NDE1: variants seen among roughly 807,000 people sequenced by gnomAD.
NDE1 encodes the protein nudE neurodevelopment protein 1, also known as nuclear distribution protein nudE homolog 1.
A neutral mutation model predicts 43.4 loss-of-function variants in NDE1; 28 were observed. That is an observed-to-expected ratio of 0.65 (90% CI 0.48 to 0.89). The LOEUF is 0.89. NDE1 is among the 40% of genes least tolerant of loss of function. NDE1 has a pLI of 0.00. For synonymous variants in NDE1, 184 were observed against 172.0 expected (o/e 1.07, Z -0.55); for missense variants, 441 against 434.1 (o/e 1.02, Z -0.14).
At chr16:15,706,703 C>CAA (rs1309892852) in intron 8 of NDE1, among the ~76,000 whole-genome samples, 1 of 127,982 alleles carries the variant, frequency 7.8e-6, no homozygotes, top group Admixed American at 8.1e-5. Context: ...AGACTGTCTC[C>CAA]AAAAAAAAAA....
At chr16:15,710,030 CAG>C (rs1342334477) in intron 8 of NDE1, among the ~76,000 whole-genome samples, 4 of 152,216 alleles carry the variant, frequency 2.6e-5, no homozygotes, top group Non-Finnish European at 5.9e-5. Flanking sequence ...CAACCTCCCT[CAG>C]GGCTCTAGTG....
At chr16:15,694,681 G>A (rs1265427772) in intron 7 of NDE1, 2 of 985,184 alleles carry the variant, frequency 2.0e-6, no homozygotes, top group African/African-American at 3.5e-5. Flanking sequence ...TTTAGGTGTG[G>A]CTGCTCCTTT....
chr16:15,718,762 G>A (rs1225476160), intron 8 of NDE1: 1 of 461,556 alleles, frequency 2.2e-6, no homozygotes, highest in African/African-American at 2.0e-5. Context: ...GCATGAAAGC[G>A]CTGACGGAAA....
chr16:15,699,121 G>A (rs1012453580), intron 8 of NDE1, among the ~76,000 whole-genome samples: 3 of 152,044 alleles, frequency 2.0e-5, no homozygotes, highest in Non-Finnish European at 2.9e-5. Context: ...CTGGCTTTGA[G>A]TTTGAGAATA....
At chr16:15,699,067 A>G (rs145571896) in intron 8 of NDE1, among the ~76,000 whole-genome samples, 2 of 150,120 alleles carry the variant, frequency 1.3e-5, no homozygotes, top group Non-Finnish European at 3.0e-5. Flanking sequence ...TTTATATTTT[A>G]TAGAAACAGT....
intron 4 of NDE1, chr16:15,683,253 G>A (rs1685087733): frequency 6.6e-6 from 1 of 152,002 alleles, no homozygotes; most frequent in Admixed American, 6.6e-5. Context: ...TCCTATTTAA[G>A]TATTTTCAGG....
At chr16:15,718,429 G>T in intron 8 of NDE1, 1 of 1,570,008 alleles carries the variant, frequency 6.4e-7, no homozygotes. Flanking sequence ...TCTCGTCCTG[G>T]AGTGCGTTCC....
chr16:15,679,319 C>G (rs182121919), intron 4 of NDE1, among the ~76,000 whole-genome samples: 75 of 152,152 alleles, frequency 4.9e-4, no homozygotes, highest in African/African-American at 1.8e-3. Flanking sequence ...TTTTTTCTGC[C>G]TCATTCTTTT....
intron 8 of NDE1, chr16:15,721,134 G>A: frequency 6.8e-7 from 1 of 1,460,596 alleles, no homozygotes; most frequent in Non-Finnish European, 9.5e-7. Flanking sequence ...CGGCACCTCA[G>A]GAGATCAGGG....
At chr16:15,680,001 ACTC>A (rs1329490538) in intron 4 of NDE1, among the ~76,000 whole-genome samples, 1 of 151,866 alleles carries the variant, frequency 6.6e-6, no homozygotes, top group East Asian at 1.9e-4. Context: ...CTGGTCTCAT[ACTC>A]CTGACCTGAG....
intron 8 of NDE1, among the ~76,000 whole-genome samples, chr16:15,709,439 C>G (rs985410252): frequency 1.3e-5 from 2 of 152,056 alleles, no homozygotes; most frequent in Non-Finnish European, 2.9e-5. Flanking sequence ...CTCAGCCTCC[C>G]GAGTAGCTGG....
chr16:15,666,514 T>G (rs1355537060), intron 2 of NDE1, among the ~76,000 whole-genome samples: 1 of 151,978 alleles, frequency 6.6e-6, no homozygotes, highest in Non-Finnish European at 1.5e-5. Context: ...GAGCCTGAGG[T>G]GGGAGAATTG....
intron 8 of NDE1, chr16:15,720,348 G>C (rs757375128): frequency 6.2e-7 from 1 of 1,600,942 alleles, no homozygotes; most frequent in Admixed American, 1.7e-5. Flanking sequence ...TGCCCCACTT[G>C]CCCCTGGGAG....
chr16:15,673,302 C>T (rs1240218393), intron 3 of NDE1, among the ~76,000 whole-genome samples: 1 of 151,948 alleles, frequency 6.6e-6, no homozygotes, highest in East Asian at 1.9e-4. Context: ...CTCCGCCTCC[C>T]GGGCTCAAGC....
At chr16:15,672,880 T>C (rs2037668847) in intron 3 of NDE1, 1 of 152,246 alleles carries the variant, frequency 6.6e-6, no homozygotes, top group South Asian at 2.1e-4. Context: ...ACTTGCTGGG[T>C]GCAGATACTT....
rs930371193 is a variant in NDE1 at position 15,673,472 on chromosome 16, T to G, written c.238-4329T>G. ...TGCCCGCCTTGGCCTCCCAAGTAGC[T>G]GGAACTACAGCCGTGCACCACTATG... On this transcript the variant is annotated intron_variant, in intron 3 of 8. Transcript: ENST00000396354. Among the ~76,000 whole-genome samples, 6 of 152,138 alleles carry G rather than the reference T, an allele frequency of 3.9e-5. No individual in the cohort carries two copies. The East Asian group carries it at 1.2e-3, about 29-fold the overall frequency.
chr16:15,715,276 C>T (rs745670874), intron 8 of NDE1: 1 of 1,614,016 alleles, frequency 6.2e-7, no homozygotes, highest in Non-Finnish European at 8.5e-7. Context: ...TTTCTCTCTG[C>T]AAACAGCAAG....
intron 8 of NDE1, among the ~76,000 whole-genome samples, chr16:15,708,318 C>T (rs908948152): frequency 2.0e-5 from 3 of 152,190 alleles, no homozygotes; most frequent in African/African-American, 7.2e-5. Context: ...ACTTTGTGAT[C>T]TCTGACTTGT....
At chr16:15,676,673 A>C (rs956905052) in intron 3 of NDE1, among the ~76,000 whole-genome samples, 3 of 150,540 alleles carry the variant, frequency 2.0e-5, no homozygotes, top group African/African-American at 7.3e-5. Flanking sequence ...CGTCATTATG[A>C]TTTCTTTCCT....
Sources: gnomAD v4.1 joint callset for allele counts (sites outside exome capture counted in the v4.1 genomes callset) on GRCh38, gnomAD v4.1.1 for gene constraint, MANE v1.5 for transcripts, NCBI Gene and HGNC (gene_info 2026-07-23, HGNC 2026-07-21) for gene names.